CFAP20DC: variants seen among roughly 807,000 people sequenced by gnomAD.
The protein encoded by CFAP20DC is CFAP20 domain containing.
CFAP20DC carries 84 observed loss-of-function variants against 101.7 expected under a neutral mutation model. The ratio of observed to expected loss-of-function variants is 0.83; its 90% CI spans 0.69 to 0.99. The LOEUF (loss-of-function observed/expected upper bound fraction) is 0.99, where lower values mean the gene tolerates loss of function less well. CFAP20DC is among the 50% of genes least tolerant of loss of function. CFAP20DC has a pLI of 0.00. For synonymous variants in CFAP20DC, 359 were observed against 351.2 expected, an observed-to-expected ratio of 1.02 and a Z score of -0.25; for missense variants, 1,007 against 970.3, an observed-to-expected ratio of 1.04 and a Z score of -0.50.
Position 58,869,426 on chromosome 3 carries a change from A to G in CFAP20DC, c.917T>C (p.Val306Ala). 1 of 1,613,924 alleles carries G rather than the reference A, an allele frequency of 6.2e-7. No homozygotes were observed. The highest frequency in any genetic ancestry group is 8.5e-7 in the Non-Finnish European group (1 of 1,179,856). ...SCQPSTVEKC[V>A]NGTEMSALLI... ...CAAGGCTGACATTTCTGTACCATTA[A>G]CACACTTCTCTACAGTGGACGGCTG... The change falls in exon 9 of 17, where the codon GTT becomes GCT. Residue 306 changes from valine to alanine, a missense_variant. Physicochemically the swap from Val to Ala is moderately conservative, Grantham distance 64. Coordinates refer to ENST00000482387, the MANE Select transcript of CFAP20DC (RefSeq NM_001394063.1). This position sits in a 1 kb window ranked among gnomAD's most constrained non-coding sequence, Gnocchi z 4.3.
At chr3:58,794,875 C>A (rs568685885) in intron 15 of CFAP20DC, among the ~76,000 whole-genome samples, 1 of 152,290 alleles carries the variant, frequency 6.6e-6, no homozygotes, top group African/African-American at 2.4e-5. Context: ...AAAGTATGAG[C>A]TACAATACTC....
chr3:58,890,269 C>T (rs1455864259), intron 6 of CFAP20DC, among the ~76,000 whole-genome samples: 2 of 148,994 alleles, frequency 1.3e-5, no homozygotes, highest in African/African-American at 2.5e-5. Context: ...GGCAGAGGCA[C>T]CCCTCACCTC....
At chr3:58,842,426 C>T (rs892200024) in intron 13 of CFAP20DC, among the ~76,000 whole-genome samples, 8 of 152,120 alleles carry the variant, frequency 5.3e-5, no homozygotes, top group African/African-American at 1.9e-4. Context: ...AAAATCGGGT[C>T]ACTCCCACCC....
intron 4 of CFAP20DC, among the ~76,000 whole-genome samples, chr3:59,039,330 T>C (rs1206653315): frequency 6.6e-6 from 1 of 152,092 alleles, no homozygotes; most frequent in Non-Finnish European, 1.5e-5. Context: ...TCCTTTGATA[T>C]TTTCTTAAAC....
intron 13 of CFAP20DC, among the ~76,000 whole-genome samples, chr3:58,834,789 C>T (rs576647264): frequency 7.9e-5 from 12 of 152,148 alleles, no homozygotes; most frequent in South Asian, 2.1e-4. Context: ...TCTCCAAATG[C>T]GTGATTTGTA....
intron 4 of CFAP20DC, among the ~76,000 whole-genome samples, chr3:58,955,225 GA>G (rs1041075213): frequency 6.6e-6 from 1 of 151,862 alleles, no homozygotes; most frequent in African/African-American, 2.4e-5. Context: ...ACTATACACA[GA>G]AAAAAACACC....
chr3:58,742,483 C>T lies in CFAP20DC; in HGVS notation c.2422G>A (p.Gly808Arg). ...CLNCYFDPQT[G>R]KYYELV is the part of the protein sequence containing the mutation. ...CATTATACCAACTCATAGTATTTCCCTGTTTGGGGGTCAAAGTAACAGTTC... is the reference window on the plus strand; with the variant it reads ...CATTATACCAACTCATAGTATTTCCTTGTTTGGGGGTCAAAGTAACAGTTC... The change falls in exon 17 of 17, where the codon GGG becomes AGG. Residue 808 changes from glycine (G) to arginine (R), a missense_variant. Coordinates refer to ENST00000482387, the MANE Select transcript of CFAP20DC (RefSeq NM_001394063.1). 6.2e-7 allele frequency: 1 copy of T among 1,606,614 alleles called. No homozygotes were observed. The highest frequency in any genetic ancestry group is 2.2e-5 in the East Asian group (1 of 44,456).
chr3:58,761,711 T>C (rs2069618771), intron 15 of CFAP20DC, among the ~76,000 whole-genome samples: 1 of 152,250 alleles, frequency 6.6e-6, no homozygotes, highest in South Asian at 2.1e-4. Flanking sequence ...GCTTTGAATG[T>C]GTCCCAGAGA....
At chr3:58,888,642 T>C (rs1291618456) in intron 6 of CFAP20DC, among the ~76,000 whole-genome samples, 1 of 152,186 alleles carries the variant, frequency 6.6e-6, no homozygotes, top group African/African-American at 2.4e-5. Context: ...CTCCCACTTA[T>C]GAGAGCATGC....
rs757768791 is a variant in CFAP20DC at position 58,788,159 on chromosome 3, G to A, written c.2237+18236C>T. Among the ~76,000 whole-genome samples, 6 of 151,356 alleles carry A rather than the reference G, an allele frequency of 4.0e-5. No individual in the cohort carries two copies. Among genetic ancestry groups the A allele is most frequent in the Non-Finnish European group, 8.8e-5 (6 of 67,822 alleles). ...AAGTACAATTTAAAAAAAAAAAAGAGGAAGAAAACACTAAAAAACAAAGCA... is the reference window on the plus strand; with the variant it reads ...AAGTACAATTTAAAAAAAAAAAAGAAGAAGAAAACACTAAAAAACAAAGCA... On this transcript the variant is annotated intron_variant, in intron 15 of 16. Coordinates refer to ENST00000482387, the MANE Select transcript of CFAP20DC (RefSeq NM_001394063.1). The surrounding 1 kb of genome is among the most constrained non-coding windows in gnomAD (Gnocchi z 4.2).
At chr3:58,989,676 A>G (rs2092872081) in intron 4 of CFAP20DC, among the ~76,000 whole-genome samples, 1 of 152,206 alleles carries the variant, frequency 6.6e-6, no homozygotes, top group Non-Finnish European at 1.5e-5. Context: ...CTCAGTTTAT[A>G]CTTCACAAGC....
At chr3:59,023,691 A>G (rs1189975593) in intron 4 of CFAP20DC, among the ~76,000 whole-genome samples, 3 of 152,136 alleles carry the variant, frequency 2.0e-5, no homozygotes, top group Non-Finnish European at 2.9e-5. Context: ...TTTTTTTCCT[A>G]CGGACTTGGG....
chr3:58,799,330 A>G lies in CFAP20DC; in HGVS notation c.2237+7065T>C, dbSNP rs2073492504. On this transcript the variant is annotated intron_variant, in intron 15 of 16. Transcript: ENST00000482387. The surrounding 1 kb of genome is among the most constrained non-coding windows in gnomAD (Gnocchi z 4.9). ...TGTCTCTATTTAAAGGTGTAAAATG[A>G]TATCAGATACTTTATATTCTGGATA... 6.6e-6 allele frequency among the ~76,000 whole-genome samples: 1 copy of G among 152,250 alleles called. No individual in the cohort carries two copies. The highest frequency in any genetic ancestry group is 2.4e-5 in the African/African-American group (1 of 41,468).
At chr3:58,827,941 T>C (rs1262557700) in intron 14 of CFAP20DC, among the ~76,000 whole-genome samples, 3 of 152,298 alleles carry the variant, frequency 2.0e-5, no homozygotes, top group South Asian at 2.1e-4. Flanking sequence ...CTGACTCTTG[T>C]GGCAGAGAAG....
chr3:58,823,457 C>T (rs979225420), intron 14 of CFAP20DC, among the ~76,000 whole-genome samples: 3 of 152,058 alleles, frequency 2.0e-5, no homozygotes, highest in Non-Finnish European at 4.4e-5. Context: ...ATAATAGCGG[C>T]GATTGACATT....
rs188064366 is a variant in CFAP20DC at position 58,891,497 on chromosome 3, C to T, written c.551-6788G>A. Among the ~76,000 whole-genome samples the T allele has an allele frequency of 4.0e-5, 6 of 151,710 alleles. No individual in the cohort carries two copies. In the East Asian group the frequency reaches 5.8e-4, roughly 15 times the overall value. ...AGCTTTTTTACTTTTTAATAGTGGC[C>T]GTTCTGACTGGTGTGAGATGGTATC... On this transcript the variant is annotated intron_variant, in intron 6 of 16. Coordinates refer to ENST00000482387, the MANE Select transcript of CFAP20DC (RefSeq NM_001394063.1).
intron 14 of CFAP20DC, among the ~76,000 whole-genome samples, chr3:58,826,919 T>C (rs1037512767): frequency 1.3e-5 from 2 of 151,948 alleles, no homozygotes; most frequent in African/African-American, 4.8e-5. Flanking sequence ...TGGGGAGAGT[T>C]TCATGAAGCA....
intron 15 of CFAP20DC, among the ~76,000 whole-genome samples, chr3:58,802,124 T>C (rs2073755340): frequency 6.6e-6 from 1 of 152,186 alleles, no homozygotes; most frequent in African/African-American, 2.4e-5. Context: ...AACCAGAAGG[T>C]AATCACAGCT....
At chr3:59,031,786 G>T (rs779914947) in intron 4 of CFAP20DC, among the ~76,000 whole-genome samples, 1 of 152,102 alleles carries the variant, frequency 6.6e-6, no homozygotes, top group Non-Finnish European at 1.5e-5. Flanking sequence ...TAAATTAAAA[G>T]AAATGAATAT....
Sources: gnomAD v4.1 joint callset for allele counts (sites outside exome capture counted in the v4.1 genomes callset) on GRCh38, gnomAD v4.1.1 for gene constraint, Gnocchi (gnomAD v3.1) non-coding constraint, MANE v1.5 for transcripts, NCBI Gene and HGNC (gene_info 2026-07-23, HGNC 2026-07-21) for gene names.